Variants in APBB2 observed in about 807,000 individuals in gnomAD.
The protein encoded by APBB2 is Fe65-like 1.
APBB2 carries 38 observed loss-of-function variants against 82.5 expected under a neutral mutation model. The observed-to-expected ratio is 0.46, with a 90% CI of 0.36 to 0.60. The LOEUF is 0.60. Ranked by LOEUF, APBB2 falls within the 20% of genes least tolerant of loss-of-function variation. APBB2 has a pLI of 0.00. For missense variants in APBB2, 772 were observed against 972.3 expected (o/e 0.79, Z 2.74); for synonymous variants, 341 against 368.2 (o/e 0.93, Z 0.85).
chr4:41,207,811 T>C (rs1778337038), intron 1 of APBB2: 1 of 152,156 alleles, frequency 6.6e-6, no homozygotes, highest in African/African-American at 2.4e-5. Context: ...CCTCCCTGCA[T>C]CTCAGGCCCA....
intron 3 of APBB2, among the ~76,000 whole-genome samples, chr4:41,092,027 G>T (rs1741890029): frequency 6.6e-6 from 1 of 152,134 alleles, no homozygotes; most frequent in Non-Finnish European, 1.5e-5. Flanking sequence ...TTGAATAAAA[G>T]AATAAATTGC....
At chr4:40,947,448 C>G (rs1393905843) in intron 6 of APBB2, among the ~76,000 whole-genome samples, 1 of 152,202 alleles carries the variant, frequency 6.6e-6, no homozygotes, top group African/African-American at 2.4e-5. Context: ...CCATGTCAGA[C>G]CAACGGCAGA....
chr4:40,955,453 T>C (rs1307374681), intron 6 of APBB2, among the ~76,000 whole-genome samples: 1 of 152,264 alleles, frequency 6.6e-6, no homozygotes, highest in Non-Finnish European at 1.5e-5. Flanking sequence ...TGATTTGTAT[T>C]TTGAAAAGAT....
intron 6 of APBB2, among the ~76,000 whole-genome samples, chr4:40,994,466 G>C (rs373889664): frequency 4.1e-4 from 63 of 152,224 alleles, no homozygotes; most frequent in African/African-American, 1.4e-3. Flanking sequence ...GTAAGAGTGA[G>C]ATAAGATGTC....
chr4:41,172,532 G>C (rs1768595223), intron 1 of APBB2, among the ~76,000 whole-genome samples: 1 of 152,162 alleles, frequency 6.6e-6, no homozygotes, highest in Admixed American at 6.5e-5. Context: ...TAGGCTCTTG[G>C]TCTCCCCCAC....
chr4:41,118,870 T>C (rs536828323), intron 2 of APBB2, among the ~76,000 whole-genome samples: 3 of 152,182 alleles, frequency 2.0e-5, no homozygotes, highest in Non-Finnish European at 2.9e-5. Flanking sequence ...CCGGGCGCGG[T>C]GGCTCACGCC....
intron 1 of APBB2, among the ~76,000 whole-genome samples, chr4:41,144,601 A>G (rs1760172084): frequency 6.6e-6 from 1 of 152,244 alleles, no homozygotes; most frequent in Non-Finnish European, 1.5e-5. Context: ...GAACAGAGCT[A>G]ACAAATGAAG....
At chr4:40,819,258 T>C (rs1307553044) in intron 17 of APBB2, among the ~76,000 whole-genome samples, 1 of 147,184 alleles carries the variant, frequency 6.8e-6, no homozygotes, top group African/African-American at 2.5e-5. Context: ...CAATCTCAGC[T>C]CACTGCAACC....
chr4:40,857,288 C>T (rs1306422350), intron 12 of APBB2: 15 of 520,836 alleles, frequency 2.9e-5, no homozygotes, highest in Non-Finnish European at 3.5e-5. Context: ...CTAGGTGCTC[C>T]CGCCAGATGC....
intron 12 of APBB2, among the ~76,000 whole-genome samples, chr4:40,834,097 T>G (rs1277680191): frequency 7.3e-6 from 1 of 136,122 alleles, no homozygotes; most frequent in Non-Finnish European, 1.6e-5. Context: ...CAGGCTTTTT[T>G]GGGAGGAATT....
chr4:40,906,591 G>A (rs956045544), intron 10 of APBB2, among the ~76,000 whole-genome samples: 27 of 151,866 alleles, frequency 1.8e-4, no homozygotes, highest in African/African-American at 5.1e-4. Flanking sequence ...CATTTCCAGC[G>A]CTCTGATGTA....
chr4:40,893,357 G>T lies in APBB2; in HGVS notation c.1309C>A (p.Pro437Thr), dbSNP rs774064130. ...TTGACCGCAACACTACTTTTACCGGGGGCGAGGTCCTCTTCTGCCATCTCT... is the reference window on the plus strand; with the variant it reads ...TTGACCGCAACACTACTTTTACCGGTGGCGAGGTCCTCTTCTGCCATCTCT... ...WVEMAEEDLA[P>T]GKSSVAVNNC... Residue 437 changes from proline (P) to threonine (T), a missense_variant, in exon 11 of 18, where the codon CCC (proline) becomes ACC (threonine). Pro to Thr is a conservative substitution (Grantham distance 38, BLOSUM62 -1). Transcript: ENST00000508593. 6.2e-7 allele frequency: 1 copy of T among 1,613,480 alleles called. No homozygotes were observed. The highest frequency in any genetic ancestry group is 8.5e-7 in the Non-Finnish European group (1 of 1,179,786).
At chr4:41,202,677 T>C (rs568422901) in intron 1 of APBB2, among the ~76,000 whole-genome samples, 2 of 152,260 alleles carry the variant, frequency 1.3e-5, no homozygotes, top group Non-Finnish European at 2.9e-5. Flanking sequence ...ATCAAAATGA[T>C]GTATCTCTGA....
intron 2 of APBB2, among the ~76,000 whole-genome samples, chr4:41,131,572 C>T (rs1315328479): frequency 3.3e-5 from 5 of 151,962 alleles, no homozygotes; most frequent in African/African-American, 7.3e-5. Context: ...GGTTATGATT[C>T]CTGGCATGAC....
In APBB2 at chr4:40,934,628, T is replaced by C. The variant is rs1213055277; in HGVS notation, c.1179A>G (p.Ala393=). ...TAATGTCCTACCTGAGTTTCAAAGA[T>C]GCATAGCGTAGGGTTGCTCCTTCAA... ...KEFEGATLRY[A]SLKLRNAPHP... is the part of the protein sequence containing the mutation. Residue 393 remains alanine, a synonymous_variant, in exon 9 of 18, where the codon GCA becomes GCG. Transcript: ENST00000508593. 3.1e-6 allele frequency: 5 copies of C among 1,613,938 alleles called. No individual in the cohort carries two copies. Among genetic ancestry groups the C allele is most frequent in the South Asian group, 1.1e-5 (1 of 91,084 alleles).
intron 6 of APBB2, among the ~76,000 whole-genome samples, chr4:40,957,346 T>C (rs1239921589): frequency 1.3e-5 from 2 of 152,160 alleles, no homozygotes; most frequent in African/African-American, 2.4e-5. Flanking sequence ...TAATTTGTAC[T>C]TAGATCAAGA....
rs148118568 is a variant in APBB2, at chr4:41,037,299, T to C, written c.-50-3995A>G. Among the ~76,000 whole-genome samples the C allele has an allele frequency of 1.2e-3, 177 of 152,282 alleles. 3 individuals carry two copies. In the East Asian group the frequency reaches 0.026, roughly 23 times the overall value. ...TTGTGAATACTTGGCGTGGAAAAAA[T>C]GTAAAATGTCTAATAATTTTTAAAT... On this transcript the variant is annotated intron_variant, in intron 4 of 17. Transcript: ENST00000508593.
chr4:40,977,589 A>AGG (rs1180649435), intron 6 of APBB2, among the ~76,000 whole-genome samples: 2 of 152,224 alleles, frequency 1.3e-5, no homozygotes, highest in African/African-American at 4.8e-5. Context: ...CTGGGTTTAC[A>AGG]GGTGTGAGCC....
intron 6 of APBB2, among the ~76,000 whole-genome samples, chr4:40,988,786 G>C (rs1409334832): frequency 6.9e-6 from 1 of 145,138 alleles, no homozygotes; most frequent in Non-Finnish European, 1.5e-5. Flanking sequence ...TTTTGAGACA[G>C]AGTCTCACTC....
Sources: allele counts gnomAD v4.1 joint callset (sites outside exome capture counted in the v4.1 genomes callset), GRCh38; gene constraint gnomAD v4.1.1; transcripts MANE v1.5; gene names NCBI Gene and HGNC (gene_info 2026-07-23, HGNC 2026-07-21).